GPC3: variants seen among roughly 807,000 people sequenced by gnomAD.
GPC3 encodes glypican-3.
In GPC3, 3 loss-of-function variants were observed where a neutral mutation model predicts 34.4. That is an observed-to-expected ratio of 0.09 (90% confidence interval 0.04 to 0.23). The LOEUF is 0.23. Among genes scored for constraint, GPC3 ranks in the 10% least tolerant of loss-of-function variants. The probability of loss-of-function intolerance (pLI) is 1.00; values close to 1 mark genes in which losing one functional copy is unlikely to be tolerated. For synonymous variants in GPC3, 177 were observed against 174.0 expected (o/e 1.02, Z -0.13); for missense variants, 351 against 445.6 (o/e 0.79, Z 1.91).
chrX:133,678,930 T>C (rs2070911596), intron 5 of GPC3, among the ~76,000 whole-genome samples: 1 of 112,118 alleles, frequency 8.9e-6, no homozygotes, highest in African/African-American at 3.2e-5. Flanking sequence ...GCTGTCTTTC[T>C]CCAAATTCAA....
intron 6 of GPC3, among the ~76,000 whole-genome samples, chrX:133,659,045 C>G (rs1457282076): frequency 8.9e-6 from 1 of 112,302 alleles, no homozygotes; most frequent in Non-Finnish European, 1.9e-5. Flanking sequence ...GTCCTCACAA[C>G]TAACTGCCAT....
chrX:133,761,066 C>G lies in GPC3; in HGVS notation c.338-6890G>C, dbSNP rs777192439. Among the ~76,000 whole-genome samples the G allele has an allele frequency of 3.9e-4, 43 of 110,537 alleles. 1 individual carries two copies. The South Asian group carries it at 0.017, about 43-fold the overall frequency. On this transcript the variant is annotated intron_variant, in intron 2 of 7. Transcript: ENST00000370818. The stretch of plus-strand genomic sequence containing the variant: ...TGTTAAATCACTCCCTCTTTTTCCC[C>G]CTCGATCTGCTTTGACATTTCTTTC...
At chrX:133,883,130 C>T (rs748850985) in intron 2 of GPC3, among the ~76,000 whole-genome samples, 9 of 111,508 alleles carry the variant, frequency 8.1e-5, no homozygotes, top group African/African-American at 2.9e-4. Context: ...TTTTCCCTAA[C>T]CACCTTTTTA....
Position 133,537,672 on chromosome X carries a change from G to A in GPC3, c.1574-1379C>T, listed in dbSNP as rs770863611. On this transcript the variant is annotated intron_variant, in intron 7 of 7. Coordinates refer to ENST00000370818, the MANE Select transcript of GPC3 (RefSeq NM_004484.4). ...GCAATGATGAGAGAAACAATTTTAC[G>A]GCACCTCCATTGAAAAAAGATATTT... 5.4e-5 allele frequency among the ~76,000 whole-genome samples: 6 copies of A among 111,642 alleles called. No homozygotes were observed. In the East Asian group the frequency reaches 8.5e-4, roughly 16 times the overall value.
intron 1 of GPC3, among the ~76,000 whole-genome samples, chrX:133,971,719 CAACA>C (rs920448563): frequency 4.5e-5 from 5 of 110,548 alleles, no homozygotes; most frequent in African/African-American, 1.6e-4. Context: ...GAGAACAGTC[CAACA>C]GACAGAAGGA....
intron 5 of GPC3, among the ~76,000 whole-genome samples, chrX:133,666,318 A>G (rs973071915): frequency 8.9e-5 from 10 of 112,374 alleles, no homozygotes; most frequent in Non-Finnish European, 1.7e-4. Context: ...ACTTTTTGAA[A>G]GTTGAAATAG....
chrX:133,848,727 T>G (rs1211818873), intron 2 of GPC3, among the ~76,000 whole-genome samples: 1 of 111,464 alleles, frequency 9.0e-6, no homozygotes, highest in Non-Finnish European at 1.9e-5. Context: ...AAGGTACAAA[T>G]CAGTGTTGTG....
chrX:133,731,462 T>C (rs2071461783), intron 3 of GPC3, among the ~76,000 whole-genome samples: 1 of 112,422 alleles, frequency 8.9e-6, no homozygotes, highest in East Asian at 2.8e-4. Context: ...TTGTAGATGC[T>C]ACAAAAATAC....
At chrX:133,539,656 G>A (rs2069324968) in intron 7 of GPC3, among the ~76,000 whole-genome samples, 1 of 112,123 alleles carries the variant, frequency 8.9e-6, no homozygotes. Context: ...TATTCAGAAC[G>A]CTATCTCCCT....
rs2070154085 is a variant in GPC3, at chrX:133,615,667, T to C, written c.1414-19068A>G. ...ATACCTAATGTAGATGACAGTTTGA[T>C]GGGTGCAGCAAACCACCATGGCAGG... On this transcript the variant is annotated intron_variant, in intron 6 of 7. Transcript: ENST00000370818. Among the ~76,000 whole-genome samples, 4 of 108,182 alleles carry C rather than the reference T, an allele frequency of 3.7e-5. No individual in the cohort carries two copies. The South Asian group carries it at 1.6e-3, about 45-fold the overall frequency. The allele number at this position is 108,182 out of a possible 115,157, so 93.9% of individuals were successfully genotyped here.
chrX:133,825,609 A>G (rs747265584), intron 2 of GPC3, among the ~76,000 whole-genome samples: 4 of 111,980 alleles, frequency 3.6e-5, no homozygotes, highest in Non-Finnish European at 1.9e-5. Context: ...GACAAAGAAT[A>G]AACAAAAGCT....
chrX:133,659,426 C>G (rs1321662523), intron 6 of GPC3, among the ~76,000 whole-genome samples: 1 of 111,538 alleles, frequency 9.0e-6, no homozygotes, highest in Non-Finnish European at 1.9e-5. Flanking sequence ...TTATGACTGC[C>G]CCTCCCTTGC....
At chrX:133,628,493 T>G (rs1367019002) in intron 6 of GPC3, among the ~76,000 whole-genome samples, 2 of 110,020 alleles carry the variant, frequency 1.8e-5, no homozygotes, top group Non-Finnish European at 3.8e-5. Context: ...CTGTCTCTAC[T>G]AAACATACAA....
At chrX:133,882,768 C>T (rs966995994) in intron 2 of GPC3, among the ~76,000 whole-genome samples, 2 of 111,585 alleles carry the variant, frequency 1.8e-5, no homozygotes, top group Admixed American at 9.6e-5. Context: ...AGGAAGGGAA[C>T]GATGCAGAGA....
chrX:133,536,395 A>G (rs1423858309), intron 7 of GPC3, 102 bp from the exon 8 acceptor site: 1 of 445,148 alleles, frequency 2.2e-6, no homozygotes, highest in Non-Finnish European at 3.8e-6. Context: ...GGAAAGCCTC[A>G]GCTTTGATTC....
chrX:133,896,969 T>G (rs754209590), intron 2 of GPC3, among the ~76,000 whole-genome samples: 23 of 102,712 alleles, frequency 2.2e-4, no homozygotes, highest in East Asian at 6.2e-4. Flanking sequence ...TGCAGTGGCG[T>G]GATCTCAGCT....
At chrX:133,727,975 A>G (rs887337707) in intron 3 of GPC3, among the ~76,000 whole-genome samples, 20 of 112,281 alleles carry the variant, frequency 1.8e-4, no homozygotes, top group Non-Finnish European at 1.1e-4. Context: ...TATTACTACA[A>G]TCTAGATGAA....
intron 6 of GPC3, among the ~76,000 whole-genome samples, chrX:133,631,193 C>A (rs1370662178): frequency 9.0e-6 from 1 of 111,729 alleles, no homozygotes. Flanking sequence ...ACTGTACAAC[C>A]AATCTCCAGA....
intron 2 of GPC3, among the ~76,000 whole-genome samples, chrX:133,820,172 CA>C (rs1231366451): frequency 8.9e-6 from 1 of 111,816 alleles, no homozygotes; most frequent in Non-Finnish European, 1.9e-5. Flanking sequence ...CATTTGTTAA[CA>C]CTGTCACCAT....
Sources: gnomAD v4.1 joint callset for allele counts (sites outside exome capture counted in the v4.1 genomes callset) on GRCh38, gnomAD v4.1.1 for gene constraint, MANE v1.5 for transcripts, NCBI Gene and HGNC (gene_info 2026-07-23, HGNC 2026-07-21) for gene names.